AXIN2: variants seen among roughly 807,000 people sequenced by gnomAD.
AXIN2 encodes the protein axin 2.
Under a neutral mutation model 74.7 loss-of-function variants are expected in AXIN2, and 21 were observed. The ratio of observed to expected loss-of-function variants is 0.28; its 90% CI spans 0.20 to 0.40. The LOEUF (loss-of-function observed/expected upper bound fraction) is 0.40. Ranked by LOEUF, AXIN2 falls within the 10% of genes least tolerant of loss-of-function variation. The probability of loss-of-function intolerance (pLI) is 1.00; values close to 1 mark genes in which losing one functional copy is unlikely to be tolerated. For synonymous variants in AXIN2, 532 were observed against 454.9 expected (o/e 1.17, Z -2.16); for missense variants, 1,144 against 1,111.1 (o/e 1.03, Z -0.42).
intron 2 of AXIN2, among the ~76,000 whole-genome samples, chr17:65,554,085 G>GT (rs764707025): frequency 5.3e-5 from 8 of 152,132 alleles, no homozygotes; most frequent in Non-Finnish European, 8.8e-5. Flanking sequence ...GGGAAAGGAG[G>GT]TGCCGGCTGC....
chr17:65,536,446 G>C lies in AXIN2; in HGVS notation c.2015C>G (p.Thr672Ser), dbSNP rs1060502141. Residue 672 changes from threonine (T) to serine (S), a missense_variant, in exon 8 of 11, where the codon ACC becomes AGC. Physicochemically the swap from Thr to Ser is moderately conservative, Grantham distance 58 (BLOSUM62 1). This residue lies in a region of AXIN2 where 1,053 missense variants were observed against 973.5 expected (regional missense o/e 1.08). Transcript: ENST00000307078. The part of the protein sequence containing the change: ...LWGGNSGHPR[T>S]TPRAHLFTQD... ...GGTGAACAGGTGGGCACGGGGGGTG[G>C]TGCGGGGGTGCCCGCTGTTGCCCCC... 1 of 1,601,476 alleles carries C rather than the reference G, an allele frequency of 6.2e-7. No individual in the cohort carries two copies. Among genetic ancestry groups the C allele is most frequent in the Non-Finnish European group, 8.5e-7 (1 of 1,179,628 alleles).
At position 65,558,615 on chromosome 17, in the gene AXIN2, A is replaced by G. The variant is rs1475337539; in HGVS notation, c.6T>C (p.Ser2=). 6.2e-7 allele frequency: 1 copy of G among 1,605,582 alleles called. No homozygotes were observed. Among genetic ancestry groups the G allele is most frequent in the African/African-American group, 1.3e-5 (1 of 74,796 alleles). The change falls in exon 2 of 11, where the codon AGT becomes AGC. Residue 2 remains serine (S), a synonymous_variant. Transcript: ENST00000307078. Reference sequence around the variant, plus strand: ...GGAGGCAAGTCACCAACATAGCGCTACTCATGGTGAGGGAGCTCTTCCCAC... The same window carrying G: ...GGAGGCAAGTCACCAACATAGCGCTGCTCATGGTGAGGGAGCTCTTCCCAC... M[S]SAMLVTCLPD...
chr17:65,536,429 G>A lies in AXIN2; in HGVS notation c.2032C>T (p.Leu678=), dbSNP rs2043917337. 6.2e-7 allele frequency: 1 copy of A among 1,613,790 alleles called. No individual in the cohort carries two copies. The highest frequency in any genetic ancestry group is 8.5e-7 in the Non-Finnish European group (1 of 1,179,992). The change falls in exon 8 of 11, where the codon CTG becomes TTG. Residue 678 remains leucine (L), a synonymous_variant. Coordinates refer to ENST00000307078, the MANE Select transcript of AXIN2 (RefSeq NM_004655.4). ...GGCATCGCAGGGTCCTGGGTGAACA[G>A]GTGGGCACGGGGGGTGGTGCGGGGG... The part of the protein sequence containing the change: ...GHPRTTPRAH[L]FTQDPAMPPL...
chr17:65,552,721 G>A (rs539279603), intron 2 of AXIN2, among the ~76,000 whole-genome samples: 2 of 152,176 alleles, frequency 1.3e-5, no homozygotes, highest in South Asian at 2.1e-4. Context: ...AGAAAAAACC[G>A]AGTGCCAACA....
At position 65,528,618 on chromosome 17, in the gene AXIN2, T is replaced by C. The variant is rs562539030; in HGVS notation, c.*1358A>G. 4.0e-6 allele frequency: 2 copies of C among 498,646 alleles called. No individual in the cohort carries two copies. Among genetic ancestry groups the C allele is most frequent in the East Asian group, 8.5e-5 (2 of 23,482 alleles). The allele number at this position is 498,646 out of a possible 1,614,324, so 30.9% of individuals were successfully genotyped here. A position where few individuals can be genotyped will look rare whatever the true frequency, so the allele number is the denominator to read the frequency against. ...TACATCTCTTAATTACAATAATTAT[T>C]GTACCAAGTAATTTTCCTTAAATGA... is the stretch of plus-strand genomic sequence containing the variant. On this transcript the variant is annotated 3_prime_UTR_variant, in exon 11 of 11. Coordinates refer to ENST00000307078, the MANE Select transcript of AXIN2 (RefSeq NM_004655.4).
rs1248714399 is a variant in AXIN2 at position 65,538,200 on chromosome 17, T to C, written c.1200+3A>G. The C allele has an allele frequency of 1.2e-6, 2 of 1,614,174 alleles. No individual in the cohort carries two copies. Among genetic ancestry groups the C allele is most frequent in the South Asian group, 2.2e-5 (2 of 91,084 alleles). On this transcript the variant is annotated splice_donor_region_variant and intron_variant, in intron 5 of 10. Transcript: ENST00000307078. ...AGCAGGAAGAAGGCCTAGGCCGCAT[T>C]ACCTCTCGGATCTGCTGCAGGCGCT...
In AXIN2 at chr17:65,558,655, TTTC is replaced by T; in HGVS notation, c.-38_-36del. ...GCTCTTCCCACTGAGTCTGGGAATTTTTCTTCTTCCAGTTCCTCTCAGCAATCG... is the reference window on the plus strand; with the variant it reads ...GCTCTTCCCACTGAGTCTGGGAATTTTTCTTCCAGTTCCTCTCAGCAATCG... On this transcript the variant is annotated 5_prime_UTR_variant, in exon 2 of 11. Coordinates refer to ENST00000307078, the MANE Select transcript of AXIN2 (RefSeq NM_004655.4). The T allele has an allele frequency of 1.3e-6, 2 of 1,591,168 alleles. No individual in the cohort carries two copies. The highest frequency in any genetic ancestry group is 1.7e-6 in the Non-Finnish European group (2 of 1,174,928).
At chr17:65,553,851 G>GT (rs969236059) in intron 2 of AXIN2, among the ~76,000 whole-genome samples, 7 of 149,136 alleles carry the variant, frequency 4.7e-5, no homozygotes, top group Non-Finnish European at 5.9e-5. Flanking sequence ...AAAAGGCGGG[G>GT]GGGGGGGGAG....
intron 1 of AXIN2, among the ~76,000 whole-genome samples, 167 bp from the exon 2 acceptor site, chr17:65,558,903 C>CGT (rs2044319183): frequency 6.6e-6 from 1 of 152,064 alleles, no homozygotes; most frequent in South Asian, 2.1e-4. Context: ...AAGTATCAGG[C>CGT]GCTGCTTTTC....
intron 2 of AXIN2, among the ~76,000 whole-genome samples, chr17:65,555,947 G>C (rs2044261083): frequency 6.6e-6 from 1 of 151,882 alleles, no homozygotes; most frequent in African/African-American, 2.4e-5. Flanking sequence ...AATCTCGTAT[G>C]GAAACTCTCA....
chr17:65,544,082 G>A lies in AXIN2; in HGVS notation c.957-2525C>T, dbSNP rs538548545. Among the ~76,000 whole-genome samples the A allele has an allele frequency of 3.9e-5, 6 of 152,216 alleles. No individual in the cohort carries two copies. In the South Asian group the frequency reaches 8.3e-4, roughly 21 times the overall value. The stretch of plus-strand genomic sequence containing the variant: ...GTTCCTGACAGTCTTGGGGGCAGGA[G>A]TCAAGCACTCCATGGACCCCACCAT... On this transcript the variant is annotated intron_variant, in intron 3 of 10. Transcript: ENST00000307078.
intron 3 of AXIN2, among the ~76,000 whole-genome samples, chr17:65,546,392 C>T (rs915073454): frequency 6.6e-6 from 1 of 152,140 alleles, no homozygotes; most frequent in South Asian, 2.1e-4. Context: ...CTGGGAATCC[C>T]GGGTGACCGC....
chr17:65,554,032 AG>A (rs776292564), intron 2 of AXIN2, among the ~76,000 whole-genome samples: 54 of 152,138 alleles, frequency 3.5e-4, no homozygotes, highest in Non-Finnish European at 6.3e-4. Context: ...CAGTAAGCAA[AG>A]GGTTTTCAGC....
chr17:65,531,464 G>C (rs1381354638), intron 10 of AXIN2, among the ~76,000 whole-genome samples: 1 of 151,780 alleles, frequency 6.6e-6, no homozygotes, highest in Non-Finnish European at 1.5e-5. Flanking sequence ...ATGGGGAGGG[G>C]CTCTGTGCAC....
intron 4 of AXIN2, 96 bp downstream of exon 4, chr17:65,541,359 C>CT: frequency 8.7e-7 from 1 of 1,146,814 alleles, no homozygotes; most frequent in Non-Finnish European, 1.3e-6. Flanking sequence ...TCTTTTCTAC[C>CT]TTCCCTATAC....
chr17:65,554,438 G>A (rs917539911), intron 2 of AXIN2, among the ~76,000 whole-genome samples: 8 of 152,206 alleles, frequency 5.3e-5, no homozygotes, highest in African/African-American at 1.7e-4. Context: ...ACTCGGCAAG[G>A]GGCCAGGACT....
Position 65,557,959 on chromosome 17 carries a change from A to G in AXIN2, c.662T>C (p.Val221Ala). ...SNGGLGSLKVVCGYLPTLNEE... is the reference protein window; with the variant it reads ...SNGGLGSLKVACGYLPTLNEE... ...ATTCAAGGTGGGGAGATAGCCACAC[A>G]CGACCTTTAGGCTCCCGAGTCCCCC... The change falls in exon 2 of 11, where the codon GTG becomes GCG. Residue 221 changes from valine to alanine, a missense_variant. Coordinates refer to ENST00000307078, the MANE Select transcript of AXIN2 (RefSeq NM_004655.4). 2 of 1,614,212 alleles carry G rather than the reference A, an allele frequency of 1.2e-6. No homozygotes were observed. The highest frequency in any genetic ancestry group is 1.7e-6 in the Non-Finnish European group (2 of 1,180,050).
At chr17:65,547,156 G>A (rs984094648) in intron 3 of AXIN2, among the ~76,000 whole-genome samples, 2 of 152,158 alleles carry the variant, frequency 1.3e-5, no homozygotes, top group Non-Finnish European at 2.9e-5. Flanking sequence ...GGGGATAAAA[G>A]AAGAGGAAGT....
intron 10 of AXIN2, among the ~76,000 whole-genome samples, chr17:65,530,928 G>T (rs975690236): frequency 6.6e-6 from 1 of 152,196 alleles, no homozygotes; most frequent in African/African-American, 2.4e-5. Context: ...CCTCTCAGGA[G>T]TGCCACATTC....
Sources: gnomAD v4.1 joint callset for allele counts (sites outside exome capture counted in the v4.1 genomes callset) on GRCh38, gnomAD v4.1.1 for gene constraint, gnomAD v4.1.1 regional missense constraint, MANE v1.5 for transcripts, NCBI Gene and HGNC (gene_info 2026-07-23, HGNC 2026-07-21) for gene names.